The following CEP112 variants were observed in gnomAD, a reference collection of about 807,000 sequenced individuals.
The protein encoded by CEP112 is centrosomal protein 112.
Under a neutral mutation model 153.0 loss-of-function variants are expected in CEP112, and 127 were observed. The ratio of observed to expected loss-of-function variants is 0.83; its 90% CI spans 0.72 to 0.96. The LOEUF is 0.96. Ranked by LOEUF, CEP112 falls within the 40% of genes least tolerant of loss-of-function variation. The probability of loss-of-function intolerance (pLI) is 0.00; values close to 1 mark genes in which losing one functional copy is unlikely to be tolerated. For missense variants in CEP112, 1,089 were observed against 1,101.2 expected, an observed-to-expected ratio of 0.99 and a Z score of 0.16; for synonymous variants, 358 against 374.4, an observed-to-expected ratio of 0.96 and a Z score of 0.51.
chr17:65,902,038 T>A, intron 20 of CEP112, 114 bp downstream of exon 20: 1 of 477,432 alleles, frequency 2.1e-6, no homozygotes, highest in East Asian at 3.8e-5. Flanking sequence ...CATTTATATG[T>A]CAGTTTTGCA....
intron 17 of CEP112, among the ~76,000 whole-genome samples, chr17:65,999,763 C>T (rs1052915631): frequency 2.3e-5 from 3 of 129,844 alleles, no homozygotes; most frequent in South Asian, 6.5e-4. Context: ...TTGTTCCCTT[C>T]TATGTGTCCA....
At chr17:66,041,653 G>A (rs1262099537) in intron 12 of CEP112, among the ~76,000 whole-genome samples, 2 of 152,056 alleles carry the variant, frequency 1.3e-5, no homozygotes, top group Non-Finnish European at 2.9e-5. Context: ...CGTATTGATG[G>A]GGCCATGTCC....
intron 21 of CEP112, among the ~76,000 whole-genome samples, chr17:65,791,575 T>C (rs2054597733): frequency 6.6e-6 from 1 of 152,202 alleles, no homozygotes; most frequent in Non-Finnish European, 1.5e-5. Context: ...ACTTTTTCTC[T>C]GAAAAGAACC....
intron 19 of CEP112, among the ~76,000 whole-genome samples, chr17:65,916,645 C>T (rs1232554115): frequency 6.6e-6 from 1 of 151,572 alleles, no homozygotes. Flanking sequence ...CTCCCAGGCT[C>T]AAACAACCCT....
chr17:66,113,955 A>G (rs530256661), intron 6 of CEP112, among the ~76,000 whole-genome samples: 1 of 152,316 alleles, frequency 6.6e-6, no homozygotes, highest in South Asian at 2.1e-4. Flanking sequence ...CAATCTGTAA[A>G]CAGTCTTAAC....
intron 20 of CEP112, among the ~76,000 whole-genome samples, chr17:65,859,798 G>T (rs1293840128): frequency 6.7e-6 from 1 of 149,238 alleles, no homozygotes; most frequent in African/African-American, 2.5e-5. Flanking sequence ...CACAAGGACA[G>T]GAGTTTGAGA....
At chr17:65,691,323 A>C (rs2048096096) in intron 23 of CEP112, among the ~76,000 whole-genome samples, 1 of 152,208 alleles carries the variant, frequency 6.6e-6, no homozygotes, top group African/African-American at 2.4e-5. Flanking sequence ...CCAGATAAAC[A>C]GTGGTTCTTA....
rs530115401 is a variant in CEP112, at chr17:66,097,894, G to T, written c.643-1262C>A. ...ATTACTACATGGATAATCTCACAAA[G>T]TACAAGAACACAAACTATCACTTCA... On this transcript the variant is annotated intron_variant, in intron 6 of 26. Coordinates refer to ENST00000535342, the MANE Select transcript of CEP112 (RefSeq NM_001199165.4). Among the ~76,000 whole-genome samples, 150 of 152,202 alleles carry T rather than the reference G, an allele frequency of 9.9e-4. 1 individual carries two copies. Among genetic ancestry groups the T allele is most frequent in the Admixed American group, 1.9e-3 (29 of 15,282 alleles).
At chr17:66,082,634 G>A (rs2067765165) in intron 8 of CEP112, among the ~76,000 whole-genome samples, 1 of 152,010 alleles carries the variant, frequency 6.6e-6, no homozygotes, top group Non-Finnish European at 1.5e-5. Context: ...GTCATGGCGT[G>A]TGCCTGTAAT....
At chr17:65,826,788 T>C (rs1185290579) in intron 21 of CEP112, among the ~76,000 whole-genome samples, 1 of 152,248 alleles carries the variant, frequency 6.6e-6, no homozygotes, top group African/African-American at 2.4e-5. Context: ...TAGCATATTT[T>C]TTCCATGTTT....
intron 21 of CEP112, among the ~76,000 whole-genome samples, chr17:65,833,797 T>G (rs1179234564): frequency 3.9e-5 from 6 of 152,154 alleles, no homozygotes; most frequent in Non-Finnish European, 8.8e-5. Context: ...ATAAATTCAA[T>G]GCTATACCTA....
chr17:66,149,793 T>C (rs72837158), intron 4 of CEP112, among the ~76,000 whole-genome samples: 26,394 of 150,304 alleles, frequency 0.18, 2,541 homozygotes, highest in Non-Finnish European at 0.22. Flanking sequence ...TTCTGTTTCA[T>C]ATTTTATTTC....
At chr17:66,180,245 A>G (rs188391865) in intron 2 of CEP112, among the ~76,000 whole-genome samples, 1 of 152,046 alleles carries the variant, frequency 6.6e-6, no homozygotes, top group Non-Finnish European at 1.5e-5. Flanking sequence ...TTTTTTGAAT[A>G]GTTTGAGTAA....
At chr17:65,657,257 G>T (rs971392943) in intron 24 of CEP112, among the ~76,000 whole-genome samples, 5 of 151,948 alleles carry the variant, frequency 3.3e-5, no homozygotes, top group African/African-American at 9.7e-5. Context: ...ATATAATTTT[G>T]GTCTCATTTC....
intron 23 of CEP112, among the ~76,000 whole-genome samples, chr17:65,737,849 A>T (rs2050893662): frequency 6.6e-6 from 1 of 152,218 alleles, no homozygotes; most frequent in Non-Finnish European, 1.5e-5. Flanking sequence ...AGAAAGAAAG[A>T]CTTCTTCAGG....
At chr17:66,176,633 A>G (rs773879324) in intron 3 of CEP112, 197 bp downstream of exon 3, 3 of 398,344 alleles carry the variant, frequency 7.5e-6, no homozygotes, top group Non-Finnish European at 1.3e-5. Context: ...AACTAAATCA[A>G]TAAGGATACT....
chr17:66,046,211 T>G (rs1253780644), intron 12 of CEP112, among the ~76,000 whole-genome samples: 1 of 152,010 alleles, frequency 6.6e-6, no homozygotes, highest in Non-Finnish European at 1.5e-5. Context: ...CCCGGCTAAT[T>G]TTCTGTATTT....
At chr17:65,924,517 T>C (rs2060851420) in intron 19 of CEP112, among the ~76,000 whole-genome samples, 1 of 152,196 alleles carries the variant, frequency 6.6e-6, no homozygotes, top group Non-Finnish European at 1.5e-5. Context: ...CATGTGCATA[T>C]GTGTCTGCAT....
intron 23 of CEP112, among the ~76,000 whole-genome samples, chr17:65,706,756 C>T (rs2048934550): frequency 6.6e-6 from 1 of 152,214 alleles, no homozygotes; most frequent in Non-Finnish European, 1.5e-5. Context: ...ACCGGCCTTC[C>T]AAATATTTCT....
Sources: gnomAD v4.1 joint callset for allele counts (sites outside exome capture counted in the v4.1 genomes callset) on GRCh38, gnomAD v4.1.1 for gene constraint, MANE v1.5 for transcripts, NCBI Gene and HGNC (gene_info 2026-07-23, HGNC 2026-07-21) for gene names.